Variants in SNX4 observed in about 807,000 individuals in gnomAD.
The protein encoded by SNX4 is sorting nexin-4.
Under a neutral mutation model 70.8 loss-of-function variants are expected in SNX4, and 49 were observed. That is an observed-to-expected ratio of 0.69 (90% CI 0.55 to 0.88). The LOEUF (loss-of-function observed/expected upper bound fraction) is 0.88, where lower values mean the gene tolerates loss of function less well. SNX4 is among the 40% of genes least tolerant of loss of function. The pLI is 0.00. For synonymous variants in SNX4, 206 were observed against 183.8 expected (o/e 1.12, Z -0.98); for missense variants, 528 against 544.8 (o/e 0.97, Z 0.31).
rs1580018140 is a variant in SNX4 at position 125,519,954 on chromosome 3, GC to G, written c.141+77del. The G allele has an allele frequency of 2.8e-6, 3 of 1,081,880 alleles. No homozygotes were observed. The East Asian group carries it at 1.2e-4, about 42-fold the overall frequency. The allele number at this position is 1,081,880 out of a possible 1,614,324, so 67.0% of individuals were successfully genotyped here. A position where few individuals can be genotyped will look rare whatever the true frequency, so the allele number is the denominator to read the frequency against. ...GAGCCCACTGGCCCGGCCCGGCCCA[GC>G]CCAGCCCAGCCCAGCCCAGCCCGGC... On this transcript the variant is annotated intron_variant, in intron 1 of 13. Transcript: ENST00000251775.
chr3:125,518,295 CA>C (rs918019009), intron 1 of SNX4, among the ~76,000 whole-genome samples: 4 of 151,142 alleles, frequency 2.6e-5, no homozygotes, highest in South Asian at 2.1e-4. Flanking sequence ...CTCATCTTTA[CA>C]AAAAAAACCC....
At chr3:125,507,692 G>C (rs548734023) in intron 1 of SNX4, among the ~76,000 whole-genome samples, 1 of 152,152 alleles carries the variant, frequency 6.6e-6, no homozygotes, top group Non-Finnish European at 1.5e-5. Context: ...AGAAACTTTG[G>C]AGGCCAGAAG....
Position 125,477,197 on chromosome 3 carries a change from G to C in SNX4, c.727-441C>G, listed in dbSNP as rs991696923. Among the ~76,000 whole-genome samples, 15 of 152,118 alleles carry C rather than the reference G, an allele frequency of 9.9e-5. 1 individual carries two copies. In the Middle Eastern group the frequency reaches 0.014, roughly 138 times the overall value. On this transcript the variant is annotated intron_variant, in intron 7 of 13. Transcript: ENST00000251775. ...AGAATAAGCCTTTTTCCCTCAGATTGTTTCCTTATAATAAAATCCCCAAAG... is the reference window on the plus strand; with the variant it reads ...AGAATAAGCCTTTTTCCCTCAGATTCTTTCCTTATAATAAAATCCCCAAAG...
intron 12 of SNX4, among the ~76,000 whole-genome samples, chr3:125,452,618 G>A (rs1265171761): frequency 3.3e-5 from 5 of 151,848 alleles, no homozygotes; most frequent in East Asian, 2.0e-4. Flanking sequence ...TTAAAATCCC[G>A]AGAGGTATTT....
chr3:125,461,257 A>C (rs1438465012), intron 9 of SNX4, among the ~76,000 whole-genome samples: 2 of 152,088 alleles, frequency 1.3e-5, no homozygotes, highest in African/African-American at 2.4e-5. Context: ...CAAACAAAAA[A>C]CAGCAATTCT....
intron 9 of SNX4, among the ~76,000 whole-genome samples, chr3:125,468,003 C>T (rs898316188): frequency 3.9e-5 from 6 of 152,098 alleles, no homozygotes; most frequent in Non-Finnish European, 5.9e-5. Context: ...ATGCCATGAA[C>T]GGTGGACTGG....
At chr3:125,506,605 A>C (rs1053625772) in intron 1 of SNX4, among the ~76,000 whole-genome samples, 1 of 149,852 alleles carries the variant, frequency 6.7e-6, no homozygotes, top group African/African-American at 2.5e-5. Flanking sequence ...TCTTGGGTTC[A>C]AGGGATTCTC....
chr3:125,449,105 T>C (rs1933506551), intron 13 of SNX4: 1 of 152,198 alleles, frequency 6.6e-6, no homozygotes. Context: ...TGAACAATTT[T>C]CTTTTTCTTC....
intron 1 of SNX4, 69 bp downstream of exon 1, chr3:125,519,963 A>AGCCCC: frequency 1.5e-6 from 1 of 671,490 alleles, no homozygotes; most frequent in Non-Finnish European, 2.1e-6. Context: ...AGCCCAGCCC[A>AGCCCC]GCCCAGCCCA....
chr3:125,478,466 T>C (rs1317924594), intron 7 of SNX4, among the ~76,000 whole-genome samples: 1 of 151,582 alleles, frequency 6.6e-6, no homozygotes, highest in Non-Finnish European at 1.5e-5. Context: ...TGGGAAACAC[T>C]GAGACAATAA....
chr3:125,497,818 A>C lies in SNX4; in HGVS notation c.549+16T>G. Reference sequence around the variant, plus strand: ...TTAAATGAATATTTTACTAAGACTAAATAAAAGAAAAATACCTGTGTTAAA... The same window carrying C: ...TTAAATGAATATTTTACTAAGACTACATAAAAGAAAAATACCTGTGTTAAA... On this transcript the variant is annotated intron_variant, in intron 4 of 13. Coordinates refer to ENST00000251775, the MANE Select transcript of SNX4 (RefSeq NM_003794.4). The C allele has an allele frequency of 6.4e-7, 1 of 1,552,486 alleles. No individual in the cohort carries two copies.
At chr3:125,471,796 G>C (rs1278753804) in intron 8 of SNX4, among the ~76,000 whole-genome samples, 1 of 152,192 alleles carries the variant, frequency 6.6e-6, no homozygotes, top group Non-Finnish European at 1.5e-5. Context: ...AGGTGGATCT[G>C]AAAGTTCCTG....
At chr3:125,455,280 G>T (rs553613587) in intron 11 of SNX4, among the ~76,000 whole-genome samples, 54 of 152,212 alleles carry the variant, frequency 3.5e-4, no homozygotes, top group African/African-American at 1.3e-3. Context: ...AATATTAGAC[G>T]TTATTTCTTA....
Position 125,460,868 on chromosome 3 carries a change from A to T in SNX4, c.855-8T>A, listed in dbSNP as rs752476496. 146 of 869,068 alleles carry T rather than the reference A, an allele frequency of 1.7e-4. No homozygotes were observed. Among genetic ancestry groups the T allele is most frequent in the East Asian group, 5.7e-4 (16 of 27,956 alleles). The allele number at this position is 869,068 out of a possible 1,614,324, so 53.8% of individuals were successfully genotyped here. On this transcript the variant is annotated splice_polypyrimidine_tract_variant and splice_region_variant and intron_variant, in intron 9 of 13. Transcript: ENST00000251775. ...TCAATAGAAGATGCATACCTGTTTTAAAAAAAAAAACACACATTGCATAGA... is the reference window on the plus strand; with the variant it reads ...TCAATAGAAGATGCATACCTGTTTTTAAAAAAAAAACACACATTGCATAGA...
chr3:125,450,560 C>T (rs1389596442), intron 13 of SNX4, among the ~76,000 whole-genome samples: 1 of 152,106 alleles, frequency 6.6e-6, no homozygotes, highest in Admixed American at 6.6e-5. Context: ...ACAGGTGATA[C>T]AAATCAAAGC....
At chr3:125,482,305 C>A (rs1231549762) in intron 6 of SNX4, among the ~76,000 whole-genome samples, 8 of 152,194 alleles carry the variant, frequency 5.3e-5, no homozygotes, top group Non-Finnish European at 1.0e-4. Flanking sequence ...AACCTATCTT[C>A]CACTACTCCT....
rs750414593 is a variant in SNX4, at chr3:125,504,609, T to A, written c.263+14A>T. 7.5e-6 allele frequency: 12 copies of A among 1,607,926 alleles called. No homozygotes were observed. The African/African-American group carries it at 1.6e-4, about 22-fold the overall frequency. On this transcript the variant is annotated intron_variant, in intron 2 of 13. Transcript: ENST00000251775. ...TTTCTGTCTACCTGCCCAGGTGTAA[T>A]TTCTGTTACCCACCTTGTTTCAATG...
chr3:125,510,552 T>C (rs1279998491), intron 1 of SNX4, among the ~76,000 whole-genome samples: 1 of 152,012 alleles, frequency 6.6e-6, no homozygotes, highest in Non-Finnish European at 1.5e-5. Flanking sequence ...GAACGTGATA[T>C]ATATACAAAC....
At chr3:125,499,699 G>C (rs1268948759) in intron 2 of SNX4, among the ~76,000 whole-genome samples, 4 of 150,732 alleles carry the variant, frequency 2.7e-5, no homozygotes, top group Non-Finnish European at 5.9e-5. Flanking sequence ...TTGTAAATAA[G>C]TGGATAAATA....
Sources: gnomAD v4.1 joint callset for allele counts (sites outside exome capture counted in the v4.1 genomes callset) on GRCh38, gnomAD v4.1.1 for gene constraint, MANE v1.5 for transcripts, NCBI Gene and HGNC (gene_info 2026-07-23, HGNC 2026-07-21) for gene names.